Variants in EVA1C observed in about 807,000 individuals in gnomAD.
EVA1C encodes protein eva-1 homolog C.
A neutral mutation model predicts 45.4 loss-of-function variants in EVA1C; 25 were observed. The ratio of observed to expected loss-of-function variants is 0.55; its 90% CI spans 0.40 to 0.77. The LOEUF is 0.77. Ranked by LOEUF, EVA1C falls within the 30% of genes least tolerant of loss-of-function variation. EVA1C has a pLI of 0.00. For synonymous variants in EVA1C, 190 were observed against 221.2 expected (o/e 0.86, Z 1.25); for missense variants, 479 against 554.8 (o/e 0.86, Z 1.37).
chr21:32,466,919 C>T (rs1287598125), intron 3 of EVA1C, among the ~76,000 whole-genome samples: 5 of 152,046 alleles, frequency 3.3e-5, no homozygotes, highest in African/African-American at 1.2e-4. Context: ...TCTCAGCCTC[C>T]CACCCAAAAT....
chr21:32,471,090 TA>T (rs11316263), intron 4 of EVA1C, among the ~76,000 whole-genome samples: 152,209 of 152,210 alleles, frequency 1, 76,104 homozygotes, highest in Non-Finnish European at 1. Context: ...AATCTGTCAC[TA>T]ACCCTTCCTA....
chr21:32,450,017 A>G (rs1218266185), intron 1 of EVA1C, among the ~76,000 whole-genome samples: 1 of 152,212 alleles, frequency 6.6e-6, no homozygotes, highest in African/African-American at 2.4e-5. Context: ...TAGGACTGAT[A>G]TACTTCAAAG....
chr21:32,413,244 C>T lies in EVA1C; in HGVS notation c.160+231C>T, dbSNP rs1394096654. On this transcript the variant is annotated intron_variant, in intron 1 of 7. Coordinates refer to ENST00000300255, the MANE Select transcript of EVA1C (RefSeq NM_058187.5). ...GGTGTGTAATGTATTCAGAGTTTCT[C>T]GCCCTGCTGTTGACCTCGTCAATTT... Among the ~76,000 whole-genome samples, 3 of 152,240 alleles carry T rather than the reference C, an allele frequency of 2.0e-5. No homozygotes were observed. The East Asian group carries it at 5.8e-4, about 29-fold the overall frequency.
At chr21:32,422,132 A>G (rs937749469) in intron 1 of EVA1C, among the ~76,000 whole-genome samples, 5 of 152,164 alleles carry the variant, frequency 3.3e-5, no homozygotes, top group Admixed American at 6.6e-5. Flanking sequence ...CTATCGAGAA[A>G]AAACAGGTGT....
rs1011332407 is a variant in EVA1C, at chr21:32,473,595, C to A, written c.634+5747C>A. Among the ~76,000 whole-genome samples, 4 of 152,242 alleles carry A rather than the reference C, an allele frequency of 2.6e-5. No homozygotes were observed. In the East Asian group the frequency reaches 5.8e-4, roughly 22 times the overall value. On this transcript the variant is annotated intron_variant, in intron 4 of 7. Transcript: ENST00000300255. ...AGGGCGGTCCCATGGTGGCACCTCT[C>A]TAATCTGTCCACTTTGCTCCCAGCC... is the stretch of plus-strand genomic sequence containing the variant.
At chr21:32,425,316 C>CTG (rs2034447378) in intron 1 of EVA1C, among the ~76,000 whole-genome samples, 1 of 88,654 alleles carries the variant, frequency 1.1e-5, no homozygotes, top group Non-Finnish European at 1.9e-5. Context: ...GCCTGGGAGA[C>CTG]AGAGTAAGAC....
At chr21:32,496,809 G>A (rs757694036) in intron 5 of EVA1C, 41 of 793,352 alleles carry the variant, frequency 5.2e-5, no homozygotes, top group African/African-American at 1.3e-4. Flanking sequence ...CCCTGGGAAC[G>A]GAGTATATTC....
chr21:32,490,958 T>C (rs2037134107), intron 4 of EVA1C, among the ~76,000 whole-genome samples: 1 of 152,180 alleles, frequency 6.6e-6, no homozygotes, highest in Non-Finnish European at 1.5e-5. Context: ...CTTTGAGCAT[T>C]TACTGAGCAT....
At chr21:32,424,967 C>T (rs973722568) in intron 1 of EVA1C, among the ~76,000 whole-genome samples, 6 of 152,092 alleles carry the variant, frequency 3.9e-5, no homozygotes, top group African/African-American at 1.4e-4. Flanking sequence ...ACAGCTCCTC[C>T]TGCCTCAGCC....
chr21:32,479,621 A>G (rs1459936506), intron 4 of EVA1C, among the ~76,000 whole-genome samples: 1 of 152,138 alleles, frequency 6.6e-6, no homozygotes, highest in Non-Finnish European at 1.5e-5. Flanking sequence ...TTTCACTCTC[A>G]CTAAAATAAA....
At chr21:32,433,995 T>TCAAA (rs373065624) in intron 1 of EVA1C, among the ~76,000 whole-genome samples, 1 of 151,490 alleles carries the variant, frequency 6.6e-6, no homozygotes, top group African/African-American at 2.4e-5. Context: ...CCCATCTCTG[T>TCAAA]TAAAAAATAA....
intron 1 of EVA1C, among the ~76,000 whole-genome samples, chr21:32,446,275 C>T (rs1346306475): frequency 6.6e-6 from 1 of 152,020 alleles, no homozygotes; most frequent in Non-Finnish European, 1.5e-5. Context: ...CTCTCCTCAC[C>T]AGTTTAACAA....
At chr21:32,419,326 C>T (rs2034170865) in intron 1 of EVA1C, among the ~76,000 whole-genome samples, 1 of 152,196 alleles carries the variant, frequency 6.6e-6, no homozygotes, top group South Asian at 2.1e-4. Flanking sequence ...TTACCCACCC[C>T]TATTGCCTGA....
intron 4 of EVA1C, among the ~76,000 whole-genome samples, chr21:32,479,556 A>G (rs929345277): frequency 6.6e-6 from 1 of 152,228 alleles, no homozygotes; most frequent in South Asian, 2.1e-4. Flanking sequence ...GTCAACAAAG[A>G]TACAGTCAGA....
At chr21:32,413,797 C>T (rs1000595377) in intron 1 of EVA1C, among the ~76,000 whole-genome samples, 3 of 152,186 alleles carry the variant, frequency 2.0e-5, no homozygotes, top group Non-Finnish European at 4.4e-5. Flanking sequence ...CTTAAGGTAA[C>T]ACATGTCCTT....
chr21:32,455,450 G>A (rs952476870), intron 2 of EVA1C, among the ~76,000 whole-genome samples: 3 of 151,772 alleles, frequency 2.0e-5, no homozygotes, highest in Admixed American at 6.6e-5. Context: ...TGTGAGTTTT[G>A]GGGGGGATAA....
At chr21:32,513,606 A>G (rs1156465350) in intron 7 of EVA1C, among the ~76,000 whole-genome samples, 1 of 119,294 alleles carries the variant, frequency 8.4e-6, no homozygotes, top group African/African-American at 3.4e-5. Context: ...AGGTTGGAGT[A>G]TGGTGATATG....
intron 3 of EVA1C, among the ~76,000 whole-genome samples, chr21:32,464,267 G>A (rs2036098497): frequency 6.6e-6 from 1 of 152,196 alleles, no homozygotes; most frequent in African/African-American, 2.4e-5. Context: ...TCTTCCTCGT[G>A]GAGGTTCTTC....
At chr21:32,463,377 C>G (rs2036068820) in intron 3 of EVA1C, among the ~76,000 whole-genome samples, 1 of 152,202 alleles carries the variant, frequency 6.6e-6, no homozygotes, top group African/African-American at 2.4e-5. Context: ...TAACCCAGCT[C>G]TAAAACAAAT....
Sources: gnomAD v4.1 joint callset for allele counts (sites outside exome capture counted in the v4.1 genomes callset) on GRCh38, gnomAD v4.1.1 for gene constraint, MANE v1.5 for transcripts, NCBI Gene and HGNC (gene_info 2026-07-23, HGNC 2026-07-21) for gene names.